Variants in SMAD3 observed in about 807,000 individuals in gnomAD.
SMAD3 encodes SMAD family member 3.
In SMAD3, 12 loss-of-function variants were observed where a neutral mutation model predicts 51.8. The observed-to-expected ratio is 0.23, with a 90% CI of 0.15 to 0.38. The LOEUF (loss-of-function observed/expected upper bound fraction) is 0.38. Among genes scored for constraint, SMAD3 ranks in the 10% least tolerant of loss-of-function variants. The pLI is 1.00. For missense variants in SMAD3, 294 were observed against 565.6 expected (o/e 0.52, Z 4.87); for synonymous variants, 238 against 227.7 (o/e 1.05, Z -0.41).
intron 4 of SMAD3, among the ~76,000 whole-genome samples, chr15:67,169,087 G>A (rs539048730): frequency 6.6e-6 from 1 of 152,244 alleles, no homozygotes; most frequent in Admixed American, 6.5e-5. Flanking sequence ...ATTTTTATAT[G>A]CACAGTCTTA....
intron 1 of SMAD3, among the ~76,000 whole-genome samples, chr15:67,163,944 T>TAAAAAAAA (rs57803788): frequency 3.3e-4 from 29 of 87,834 alleles, no homozygotes; most frequent in Non-Finnish European, 4.8e-4. Context: ...GTATCAAAAG[T>TAAAAAAAA]AAAAAAAAAA....
At position 67,170,338 on chromosome 15, in the gene SMAD3, C is replaced by G. The variant is rs560589718; in HGVS notation, c.608-216C>G. Among the ~76,000 whole-genome samples, 20 of 152,310 alleles carry G rather than the reference C, an allele frequency of 1.3e-4. No homozygotes were observed. In the East Asian group the frequency reaches 3.5e-3, roughly 26 times the overall value. On this transcript the variant is annotated intron_variant, in intron 4 of 8. Transcript: ENST00000327367. The stretch of plus-strand genomic sequence containing the variant: ...CATAATCATAAGAGACCTCTGAGAT[C>G]ATCCACTCAATGCATTCATTCCAGA...
intron 1 of SMAD3, among the ~76,000 whole-genome samples, chr15:67,133,300 C>G (rs1036459449): frequency 6.6e-6 from 1 of 152,212 alleles, no homozygotes; most frequent in African/African-American, 2.4e-5. Context: ...AAACCATGTC[C>G]CATTTGTCCT....
chr15:67,108,187 C>T (rs1242631972), intron 1 of SMAD3, among the ~76,000 whole-genome samples: 1 of 152,176 alleles, frequency 6.6e-6, no homozygotes, highest in African/African-American at 2.4e-5. Context: ...AACCTGGCAG[C>T]TGCAGACTCT....
intron 1 of SMAD3, among the ~76,000 whole-genome samples, chr15:67,076,575 G>A (rs1238683920): frequency 6.6e-6 from 1 of 152,188 alleles, no homozygotes; most frequent in Non-Finnish European, 1.5e-5. Context: ...ACCCAGACGT[G>A]GTGGCTATAC....
chr15:67,163,771 G>A (rs1289577399), intron 1 of SMAD3, among the ~76,000 whole-genome samples: 2 of 151,928 alleles, frequency 1.3e-5, no homozygotes, highest in African/African-American at 4.8e-5. Flanking sequence ...TTCACACAGG[G>A]TCATGGCACT....
At chr15:67,083,154 C>T (rs748287379) in intron 1 of SMAD3, among the ~76,000 whole-genome samples, 9 of 152,190 alleles carry the variant, frequency 5.9e-5, no homozygotes, top group Non-Finnish European at 7.3e-5. Flanking sequence ...ACGAAGTTGC[C>T]GCAGTGCGAG....
At chr15:67,103,537 C>A (rs1329219012) in intron 1 of SMAD3, among the ~76,000 whole-genome samples, 1 of 152,208 alleles carries the variant, frequency 6.6e-6, no homozygotes, top group Non-Finnish European at 1.5e-5. Flanking sequence ...AGGCGCTGTG[C>A]TGGTGTGTGC....
chr15:67,155,888 G>A (rs1191854644), intron 1 of SMAD3, among the ~76,000 whole-genome samples: 1 of 151,958 alleles, frequency 6.6e-6, no homozygotes, highest in Non-Finnish European at 1.5e-5. Context: ...TCAGGAGGCT[G>A]AGGCAGGAGA....
intron 1 of SMAD3, among the ~76,000 whole-genome samples, chr15:67,124,364 C>T (rs1961335607): frequency 1.3e-5 from 2 of 152,088 alleles, no homozygotes; most frequent in South Asian, 2.1e-4. Flanking sequence ...CCATCCACCT[C>T]TGCAGTTTAC....
Position 67,194,115 on chromosome 15 carries a change from C to T in SMAD3, c.*3579C>T. 1 of 233,478 alleles carries T rather than the reference C, an allele frequency of 4.3e-6. No homozygotes were observed. Among genetic ancestry groups the T allele is most frequent in the Non-Finnish European group, 8.5e-6 (1 of 118,080 alleles). 14.5% of individuals were successfully genotyped at this position (233,478 alleles called of 1,614,324 possible). A position where few individuals can be genotyped will look rare whatever the true frequency, so the allele number is the denominator to read the frequency against. The stretch of plus-strand genomic sequence containing the variant: ...GTTTAGCCCTGGACCCTGTTTCTTA[C>T]TGTGTGACTTGGCTAGAGTTGGGAG... On this transcript the variant is annotated 3_prime_UTR_variant, in exon 9 of 9. Coordinates refer to ENST00000327367, the MANE Select transcript of SMAD3 (RefSeq NM_005902.4).
intron 1 of SMAD3, among the ~76,000 whole-genome samples, chr15:67,145,718 A>G (rs1961957127): frequency 6.6e-6 from 1 of 152,184 alleles, no homozygotes; most frequent in South Asian, 2.1e-4. Flanking sequence ...CCTTTATACC[A>G]ATGAGGAAAT....
At chr15:67,161,270 A>T (rs1033867793) in intron 1 of SMAD3, among the ~76,000 whole-genome samples, 2 of 152,232 alleles carry the variant, frequency 1.3e-5, no homozygotes, top group African/African-American at 4.8e-5. Flanking sequence ...GTTAGGTTCC[A>T]TTGATCCGTT....
intron 1 of SMAD3, among the ~76,000 whole-genome samples, chr15:67,140,916 A>C (rs1179379704): frequency 6.6e-6 from 1 of 152,166 alleles, no homozygotes; most frequent in East Asian, 1.9e-4. Flanking sequence ...AGACAGTAGC[A>C]ACTTGTTGCC....
At chr15:67,111,893 T>C (rs541837029) in intron 1 of SMAD3, among the ~76,000 whole-genome samples, 1 of 152,162 alleles carries the variant, frequency 6.6e-6, no homozygotes, top group South Asian at 2.1e-4. Context: ...GTTCAAGTGA[T>C]TCTCCTGCCT....
intron 1 of SMAD3, among the ~76,000 whole-genome samples, chr15:67,142,255 T>A (rs573609977): frequency 9.0e-4 from 130 of 145,166 alleles, no homozygotes; most frequent in Non-Finnish European, 1.6e-3. Context: ...ATAGCTAGGT[T>A]TTTTTTTTCC....
Position 67,193,846 on chromosome 15 carries a change from C to T in SMAD3, c.*3310C>T, listed in dbSNP as rs1314557326. 1 of 233,134 alleles carries T rather than the reference C, an allele frequency of 4.3e-6. No individual in the cohort carries two copies. Among genetic ancestry groups the T allele is most frequent in the Non-Finnish European group, 8.5e-6 (1 of 117,818 alleles). The allele number at this position is 233,134 out of a possible 1,614,324, so 14.4% of individuals were successfully genotyped here. A position where few individuals can be genotyped will look rare whatever the true frequency, so the allele number is the denominator to read the frequency against. On this transcript the variant is annotated 3_prime_UTR_variant, in exon 9 of 9. Transcript: ENST00000327367. ...GTTTGGACATATTCCAGGCTAAATG[C>T]TTTTACTCAAGACTACAGAAAGGTT...
chr15:67,156,451 C>A (rs746408044), intron 1 of SMAD3, among the ~76,000 whole-genome samples: 6 of 152,096 alleles, frequency 3.9e-5, no homozygotes, highest in African/African-American at 1.4e-4. Flanking sequence ...GGGGTATGCC[C>A]CATTTAGAAT....
chr15:67,134,245 T>A (rs1961598911), intron 1 of SMAD3, among the ~76,000 whole-genome samples: 1 of 152,114 alleles, frequency 6.6e-6, no homozygotes, highest in South Asian at 2.1e-4. Flanking sequence ...GAGAATCTGC[T>A]GCTCTGTGAA....
Sources: allele counts gnomAD v4.1 joint callset (sites outside exome capture counted in the v4.1 genomes callset), GRCh38; gene constraint gnomAD v4.1.1; transcripts MANE v1.5; gene names NCBI Gene and HGNC (gene_info 2026-07-23, HGNC 2026-07-21).